SNX24: variants seen among roughly 807,000 people sequenced by gnomAD.
The protein encoded by SNX24 is sorting nexin 24, also known as sorting nexin-24.
SNX24 carries 22 observed loss-of-function variants against 28.7 expected under a neutral mutation model. The ratio of observed to expected loss-of-function variants is 0.77; its 90% CI spans 0.55 to 1.10. The LOEUF is 1.10. SNX24 is among the 50% of genes least tolerant of loss of function. The pLI, the probability that SNX24 is intolerant of heterozygous loss-of-function variation, is 0.00. For missense variants in SNX24, 221 were observed against 201.1 expected (o/e 1.10, Z -0.60); for synonymous variants, 69 against 71.5 (o/e 0.96, Z 0.18).
At chr5:123,020,703 C>T (rs768381070) in intron 5 of SNX24, among the ~76,000 whole-genome samples, 3 of 152,196 alleles carry the variant, frequency 2.0e-5, no homozygotes, top group African/African-American at 4.8e-5. Context: ...TATTAGTTTA[C>T]GCAGCGAAAA....
intron 1 of SNX24, among the ~76,000 whole-genome samples, chr5:122,925,016 C>G (rs1205605785): frequency 1.4e-5 from 2 of 146,758 alleles, no homozygotes; most frequent in Non-Finnish European, 3.0e-5. Flanking sequence ...GTCTTCCCCT[C>G]CCCTTCTCCT....
chr5:122,915,429 C>T (rs956382184), intron 1 of SNX24, among the ~76,000 whole-genome samples: 1 of 152,036 alleles, frequency 6.6e-6, no homozygotes, highest in Admixed American at 6.6e-5. Context: ...AGTTTGAGAC[C>T]AGCCTGGGCA....
At chr5:122,952,902 A>G (rs903020364) in intron 3 of SNX24, among the ~76,000 whole-genome samples, 1 of 152,154 alleles carries the variant, frequency 6.6e-6, no homozygotes, top group African/African-American at 2.4e-5. Flanking sequence ...GTCAAACAAA[A>G]GACATAGAGG....
chr5:123,012,118 C>T (rs1762592968), downstream of SNX24, among the ~76,000 whole-genome samples: 1 of 152,160 alleles, frequency 6.6e-6, no homozygotes, highest in Non-Finnish European at 1.5e-5. Context: ...GATGTGTTTG[C>T]TTCCCCTTCT....
rs563562758 is a variant in SNX24, at chr5:122,924,654, T to C, written c.61-12080T>C. Among the ~76,000 whole-genome samples, 3 of 152,312 alleles carry C rather than the reference T, an allele frequency of 2.0e-5. No homozygotes were observed. The South Asian group carries it at 6.2e-4, about 32-fold the overall frequency. ...TATTCAGGAGGATAACAGAATGCAT[T>C]GAGCACCAGTTATGTGCCAGGCTAG... is the stretch of plus-strand genomic sequence containing the variant. On this transcript the variant is annotated intron_variant, in intron 1 of 6. Transcript: ENST00000261369.
At chr5:122,908,122 G>A (rs12521963) in intron 1 of SNX24, among the ~76,000 whole-genome samples, 2 of 152,196 alleles carry the variant, frequency 1.3e-5, no homozygotes, top group Admixed American at 6.5e-5. Flanking sequence ...CAAGTGGCAC[G>A]ATATAATGAA....
intron 1 of SNX24, among the ~76,000 whole-genome samples, chr5:122,860,224 C>T (rs1225194246): frequency 6.6e-6 from 1 of 152,030 alleles, no homozygotes. Flanking sequence ...AATGTTATGC[C>T]AGAGTCAGGT....
intron 1 of SNX24, chr5:122,853,743 C>A: frequency 2.8e-6 from 1 of 357,198 alleles, no homozygotes; most frequent in Non-Finnish European, 5.8e-6. Flanking sequence ...CCGCTTCAGC[C>A]TCCCAAGATG....
intron 5 of SNX24, among the ~76,000 whole-genome samples, chr5:123,017,296 A>C (rs1367649057): frequency 6.6e-6 from 1 of 152,024 alleles, no homozygotes; most frequent in African/African-American, 2.4e-5. Flanking sequence ...CTCACCTCTT[A>C]GGTCAAATCT....
chr5:122,940,728 T>C (rs42536), intron 2 of SNX24, among the ~76,000 whole-genome samples: 117,045 of 152,142 alleles, frequency 0.77, 45,902 homozygotes, highest in East Asian at 0.99. Flanking sequence ...TGTACCACCA[T>C]GCTCAGCTAT....
Position 122,962,909 on chromosome 5 carries a change from C to T in SNX24, c.249+16750C>T, listed in dbSNP as rs751489691. 3.3e-5 allele frequency among the ~76,000 whole-genome samples: 5 copies of T among 152,166 alleles called. No individual in the cohort carries two copies. The East Asian group carries it at 7.7e-4, about 24-fold the overall frequency. ...TAAGTTCAATGACCTCACCTAGAGC[C>T]CCCTATTAATAAGGTGAATGTTTTG... On this transcript the variant is annotated intron_variant, in intron 3 of 6. Transcript: ENST00000261369.
intron 1 of SNX24, among the ~76,000 whole-genome samples, chr5:122,916,113 CGTGAGCTAGAA>C (rs1695962073): frequency 6.6e-6 from 1 of 152,214 alleles, no homozygotes; most frequent in Admixed American, 6.5e-5. Context: ...AATAAAGTAA[CGTGAGCTAGAA>C]GTGAGAGTAA....
chr5:122,882,698 A>G (rs1756534291), intron 1 of SNX24, among the ~76,000 whole-genome samples: 1 of 152,196 alleles, frequency 6.6e-6, no homozygotes. Flanking sequence ...CAGATATAAA[A>G]TAATTTTTTC....
At chr5:123,011,410 A>G (rs1762575802), downstream of SNX24, among the ~76,000 whole-genome samples, 2 of 152,102 alleles carry the variant, frequency 1.3e-5, no homozygotes, top group African/African-American at 4.8e-5. Flanking sequence ...TGCCCCCATT[A>G]CAATCAGCCA....
chr5:122,887,724 T>C (rs553920931), intron 1 of SNX24, among the ~76,000 whole-genome samples: 2 of 152,192 alleles, frequency 1.3e-5, no homozygotes, highest in Non-Finnish European at 2.9e-5. Flanking sequence ...TTCTTTGAGA[T>C]GGAGTTTCGC....
At position 123,002,205 on chromosome 5, in the gene SNX24, T is replaced by G. The variant is rs879659989; in HGVS notation, c.442+201T>G. 1.5e-5 allele frequency: 9 copies of G among 588,682 alleles called. No homozygotes were observed. In the Admixed American group the frequency reaches 1.7e-4, roughly 11 times the overall value. The allele number at this position is 588,682 out of a possible 1,614,324, so 36.5% of individuals were successfully genotyped here. The stretch of plus-strand genomic sequence containing the variant: ...CAGGAGGAAATGTAATTTTTCTTTC[T>G]CTCTTACCAGACTATTTTGAATTAG... On this transcript the variant is annotated intron_variant, in intron 6 of 6. Coordinates refer to ENST00000261369, the MANE Select transcript of SNX24 (RefSeq NM_014035.4).
At chr5:122,845,721 C>G (rs781377999) in intron 1 of SNX24, 28 bp downstream of exon 1, 1 of 1,327,742 alleles carries the variant, frequency 7.5e-7, no homozygotes, top group African/African-American at 1.5e-5. Context: ...GCGGACAGGG[C>G]CCCGCGAGCC....
chr5:122,917,764 C>G (rs1758243952), intron 1 of SNX24, among the ~76,000 whole-genome samples: 1 of 152,102 alleles, frequency 6.6e-6, no homozygotes, highest in African/African-American at 2.4e-5. Context: ...TCATGGTGTT[C>G]AAGGTAAATA....
intron 3 of SNX24, among the ~76,000 whole-genome samples, chr5:122,987,834 A>G (rs35585216): frequency 0.027 from 4,117 of 152,334 alleles, 73 homozygotes; most frequent in Non-Finnish European, 0.037. Context: ...TGAGATCTGA[A>G]TAAATGAGTT....
Sources: gnomAD v4.1 joint callset for allele counts (sites outside exome capture counted in the v4.1 genomes callset) on GRCh38, gnomAD v4.1.1 for gene constraint, MANE v1.5 for transcripts, NCBI Gene and HGNC (gene_info 2026-07-23, HGNC 2026-07-21) for gene names.